The following UBE2E2 variants were observed in gnomAD, a reference collection of about 807,000 sequenced individuals.
The protein encoded by UBE2E2 is ubiquitin-conjugating enzyme E2 E2.
UBE2E2 carries 6 observed loss-of-function variants against 24.7 expected under a neutral mutation model. The observed-to-expected ratio is 0.24, with a 90% CI of 0.13 to 0.48. The LOEUF is 0.48. UBE2E2 is among the 20% of genes least tolerant of loss of function. UBE2E2 has a pLI of 0.99. For synonymous variants in UBE2E2, 104 were observed against 83.6 expected (o/e 1.24, Z -1.33); for missense variants, 169 against 245.0 (o/e 0.69, Z 2.07).
chr3:23,326,369 C>T (rs1694891031), intron 3 of UBE2E2, among the ~76,000 whole-genome samples: 1 of 152,156 alleles, frequency 6.6e-6, no homozygotes, highest in African/African-American at 2.4e-5. Context: ...CCGTGCCTGG[C>T]CATCTGTAAT....
intron 3 of UBE2E2, among the ~76,000 whole-genome samples, chr3:23,344,722 A>C (rs944688424): frequency 1.3e-5 from 2 of 151,810 alleles, no homozygotes; most frequent in African/African-American, 2.4e-5. Context: ...ATACACATAC[A>C]CACACTAAGT....
intron 3 of UBE2E2, among the ~76,000 whole-genome samples, chr3:23,255,522 T>A (rs985819156): frequency 6.6e-6 from 1 of 152,302 alleles, no homozygotes; most frequent in East Asian, 1.9e-4. Flanking sequence ...AGCAAACATT[T>A]AGGGATTTAG....
intron 5 of UBE2E2, among the ~76,000 whole-genome samples, chr3:23,568,007 G>C (rs947860960): frequency 6.6e-6 from 1 of 152,152 alleles, no homozygotes; most frequent in Admixed American, 6.6e-5. Flanking sequence ...CAAGGCCTCA[G>C]CCCAAATCAG....
intron 3 of UBE2E2, among the ~76,000 whole-genome samples, chr3:23,467,177 AGGT>A (rs1698937117): frequency 6.6e-6 from 1 of 152,230 alleles, no homozygotes; most frequent in Non-Finnish European, 1.5e-5. Flanking sequence ...ACTGTTTATC[AGGT>A]AATATACAGT....
Position 23,203,460 on chromosome 3 carries a change from C to A in UBE2E2, c.-13C>A. 2.0e-6 allele frequency: 2 copies of A among 982,752 alleles called. No homozygotes were observed. The highest frequency in any genetic ancestry group is 2.4e-6 in the Non-Finnish European group (2 of 829,056). The allele number at this position is 982,752 out of a possible 1,614,324, so 60.9% of individuals were successfully genotyped here. ...CTGCGACCTGCACGGACACCCCCCC[C>A]TCAGGTATTCGCTCGGGCCGCGCCG... On this transcript the variant is annotated 5_prime_UTR_variant, in exon 1 of 6. Coordinates refer to ENST00000396703, the MANE Select transcript of UBE2E2 (RefSeq NM_152653.4).
At chr3:23,212,543 A>G (rs1232811602) in intron 2 of UBE2E2, among the ~76,000 whole-genome samples, 1 of 152,140 alleles carries the variant, frequency 6.6e-6, no homozygotes, top group Admixed American at 6.5e-5. Flanking sequence ...TTAACTGTTT[A>G]GAGTGGACAT....
chr3:23,246,904 T>C (rs942310578), intron 3 of UBE2E2, among the ~76,000 whole-genome samples: 1 of 151,932 alleles, frequency 6.6e-6, no homozygotes, highest in East Asian at 1.9e-4. Context: ...AAGAAAAAAA[T>C]AGAGACGGAG....
chr3:23,439,022 C>T (rs1348333447), intron 3 of UBE2E2, among the ~76,000 whole-genome samples: 1 of 152,122 alleles, frequency 6.6e-6, no homozygotes, highest in African/African-American at 2.4e-5. Flanking sequence ...GTTAGATTTG[C>T]CCCTAAGTAA....
At chr3:23,375,274 G>C (rs1322507059) in intron 3 of UBE2E2, among the ~76,000 whole-genome samples, 1 of 152,106 alleles carries the variant, frequency 6.6e-6, no homozygotes, top group African/African-American at 2.4e-5. Flanking sequence ...TCAAACTCTG[G>C]AAAATTGATT....
intron 3 of UBE2E2, among the ~76,000 whole-genome samples, chr3:23,433,747 G>C (rs979456174): frequency 6.6e-6 from 1 of 151,744 alleles, no homozygotes; most frequent in Non-Finnish European, 1.5e-5. Context: ...CAGAATGAGA[G>C]TAAATGAAGG....
chr3:23,272,346 A>T (rs2359754), intron 3 of UBE2E2, among the ~76,000 whole-genome samples: 5 of 151,606 alleles, frequency 3.3e-5, no homozygotes, highest in East Asian at 3.9e-4. Flanking sequence ...CACTGGCCCA[A>T]GAGCAACGCA....
intron 3 of UBE2E2, among the ~76,000 whole-genome samples, chr3:23,246,613 G>T (rs1221954222): frequency 6.6e-6 from 1 of 151,802 alleles, no homozygotes; most frequent in African/African-American, 2.4e-5. Context: ...TAAATTCCTG[G>T]GCTCAAACAG....
chr3:23,352,367 A>G (rs1188818954), intron 3 of UBE2E2, among the ~76,000 whole-genome samples: 2 of 152,208 alleles, frequency 1.3e-5, no homozygotes, highest in Non-Finnish European at 2.9e-5. Context: ...AGCAGAAGGC[A>G]AGAAATAACT....
At chr3:23,302,272 G>C (rs915651007) in intron 3 of UBE2E2, among the ~76,000 whole-genome samples, 1 of 152,084 alleles carries the variant, frequency 6.6e-6, no homozygotes, top group African/African-American at 2.4e-5. Context: ...TTCTTTTTCA[G>C]ATTTTCAGAG....
chr3:23,289,036 G>C (rs1034369825), intron 3 of UBE2E2, among the ~76,000 whole-genome samples: 9 of 152,304 alleles, frequency 5.9e-5, no homozygotes, highest in Middle Eastern at 3.4e-3. Flanking sequence ...CCACTCACCT[G>C]ATGTTTAATT....
At chr3:23,511,899 A>G (rs1220833026) in intron 4 of UBE2E2, among the ~76,000 whole-genome samples, 1 of 152,240 alleles carries the variant, frequency 6.6e-6, no homozygotes, top group African/African-American at 2.4e-5. Flanking sequence ...AAAATAAGTC[A>G]AAATAATTAC....
Position 23,301,813 on chromosome 3 carries a change from G to T in UBE2E2, c.227+84501G>T, listed in dbSNP as rs534621831. On this transcript the variant is annotated intron_variant, in intron 3 of 5. Coordinates refer to ENST00000396703, the MANE Select transcript of UBE2E2 (RefSeq NM_152653.4). ...GAACCACTACTGTCTTCAAAGCTCA[G>T]TTGGAAATGCAGAAATCACCAGTCT... 4.1e-3 allele frequency among the ~76,000 whole-genome samples: 597 copies of T among 143,872 alleles called. 6 individuals are homozygous for T. Among genetic ancestry groups the T allele is most frequent in the Non-Finnish European group, 5.7e-3 (384 of 67,910 alleles). The allele number at this position is 143,872 out of a possible 152,430, so 94.4% of individuals were successfully genotyped here.
chr3:23,337,520 C>G (rs1695245269), intron 3 of UBE2E2, among the ~76,000 whole-genome samples: 1 of 152,130 alleles, frequency 6.6e-6, no homozygotes, highest in Non-Finnish European at 1.5e-5. Flanking sequence ...TTGAGAGATG[C>G]TGTGTGCTTT....
intron 3 of UBE2E2, among the ~76,000 whole-genome samples, chr3:23,300,185 G>A (rs910246169): frequency 9.2e-5 from 14 of 152,198 alleles, no homozygotes; most frequent in Non-Finnish European, 1.2e-4. Flanking sequence ...GTCTCTGCAC[G>A]TGAGATGGGT....
Sources: gnomAD v4.1 joint callset for allele counts (sites outside exome capture counted in the v4.1 genomes callset) on GRCh38, gnomAD v4.1.1 for gene constraint, MANE v1.5 for transcripts, NCBI Gene and HGNC (gene_info 2026-07-23, HGNC 2026-07-21) for gene names.